Variants in CDK6 observed in about 807,000 individuals in gnomAD.
CDK6 encodes cyclin dependent kinase 6, also known as cyclin-dependent kinase 6.
In CDK6, 6 loss-of-function variants were observed where a neutral mutation model predicts 37.1. That is an observed-to-expected ratio of 0.16 (90% CI 0.09 to 0.32). The LOEUF is 0.32. Ranked by LOEUF, CDK6 falls within the 10% of genes least tolerant of loss-of-function variation. CDK6 has a pLI of 1.00. For missense variants in CDK6, 224 were observed against 418.9 expected (o/e 0.53, Z 4.06); for synonymous variants, 160 against 161.3 (o/e 0.99, Z 0.06).
chr7:92,714,487 A>G (rs1424885438), intron 4 of CDK6, among the ~76,000 whole-genome samples: 2 of 152,156 alleles, frequency 1.3e-5, no homozygotes, highest in Admixed American at 1.3e-4. Flanking sequence ...TGTGTGGGCA[A>G]TGGGGAGTCA....
intron 3 of CDK6, among the ~76,000 whole-genome samples, chr7:92,754,742 A>G (rs535781713): frequency 2.0e-5 from 3 of 152,196 alleles, no homozygotes; most frequent in African/African-American, 4.8e-5. Context: ...TTTCTCCTCT[A>G]TAACTGGTTC....
At chr7:92,795,505 C>T (rs1248105109) in intron 2 of CDK6, among the ~76,000 whole-genome samples, 1 of 152,094 alleles carries the variant, frequency 6.6e-6, no homozygotes, top group African/African-American at 2.4e-5. Context: ...ATGTGTTTCA[C>T]TCTTCCAACA....
At chr7:92,788,253 G>A (rs1488259980) in intron 2 of CDK6, among the ~76,000 whole-genome samples, 2 of 152,136 alleles carry the variant, frequency 1.3e-5, no homozygotes, top group Non-Finnish European at 2.9e-5. Context: ...ATGTTTCATG[G>A]TGTTAACGGT....
rs1439688537 is a variant in CDK6 at position 92,610,860 on chromosome 7, C to T, written c.*4280G>A. The stretch of plus-strand genomic sequence containing the variant: ...GTATTGGTGGCATAGGAAACACATG[C>T]CTTTTAAAAATTTATTTTTTCAATG... On this transcript the variant is annotated 3_prime_UTR_variant, in exon 8 of 8. Transcript: ENST00000424848. The T allele has an allele frequency of 4.4e-6, 1 of 228,090 alleles. No individual in the cohort carries two copies. The highest frequency in any genetic ancestry group is 8.7e-6 in the Non-Finnish European group (1 of 114,936). The allele number at this position is 228,090 out of a possible 1,614,324, so 14.1% of individuals were successfully genotyped here.
intron 5 of CDK6, among the ~76,000 whole-genome samples, chr7:92,625,481 A>C (rs1438227539): frequency 6.6e-6 from 1 of 151,912 alleles, no homozygotes; most frequent in Non-Finnish European, 1.5e-5. Context: ...ATTTTTCAAT[A>C]AGGATTAATT....
At chr7:92,760,610 T>C (rs1347840095) in intron 3 of CDK6, among the ~76,000 whole-genome samples, 2 of 152,154 alleles carry the variant, frequency 1.3e-5, no homozygotes, top group Non-Finnish European at 2.9e-5. Flanking sequence ...GCAAAACCAG[T>C]CAATTATTGG....
chr7:92,801,397 C>T (rs896792014), intron 2 of CDK6, among the ~76,000 whole-genome samples: 17 of 152,128 alleles, frequency 1.1e-4, no homozygotes, highest in Non-Finnish European at 2.1e-4. Flanking sequence ...TACATACATG[C>T]GTGCTCTCTC....
At chr7:92,820,459 GTACGGAACAGAA>G (rs1204227094) in intron 2 of CDK6, among the ~76,000 whole-genome samples, 1 of 152,096 alleles carries the variant, frequency 6.6e-6, no homozygotes, top group African/African-American at 2.4e-5. Context: ...CTCTGTTGCA[GTACGGAACAGAA>G]TGCAAATAAA....
At chr7:92,726,772 G>A (rs916778653) in intron 3 of CDK6, among the ~76,000 whole-genome samples, 2 of 152,108 alleles carry the variant, frequency 1.3e-5, no homozygotes, top group Non-Finnish European at 1.5e-5. Context: ...GGAAAACCTC[G>A]ATTCAAATCT....
At chr7:92,768,858 T>C (rs1053835752) in intron 3 of CDK6, among the ~76,000 whole-genome samples, 1 of 152,190 alleles carries the variant, frequency 6.6e-6, no homozygotes, top group African/African-American at 2.4e-5. Flanking sequence ...ACAAATCACC[T>C]GCTCGTAATT....
At chr7:92,695,702 G>A (rs1003607353) in intron 4 of CDK6, among the ~76,000 whole-genome samples, 2 of 152,240 alleles carry the variant, frequency 1.3e-5, no homozygotes, top group African/African-American at 4.8e-5. Flanking sequence ...AAAGCACAGA[G>A]AAGTTTTGTG....
At chr7:92,791,165 C>G (rs919927755) in intron 2 of CDK6, among the ~76,000 whole-genome samples, 2 of 151,974 alleles carry the variant, frequency 1.3e-5, no homozygotes, top group Non-Finnish European at 2.9e-5. Context: ...TGCTAAGTGT[C>G]TAAATGTGGC....
chr7:92,831,487 T>C (rs1801479638), intron 2 of CDK6, among the ~76,000 whole-genome samples: 1 of 152,214 alleles, frequency 6.6e-6, no homozygotes, highest in African/African-American at 2.4e-5. Flanking sequence ...TATTAGGTGA[T>C]TCCCCTAGGA....
intron 4 of CDK6, among the ~76,000 whole-genome samples, chr7:92,687,207 CCT>C (rs1483696072): frequency 1.3e-5 from 2 of 152,214 alleles, no homozygotes; most frequent in Non-Finnish European, 2.9e-5. Flanking sequence ...CTGCAGTACA[CCT>C]CTCTTACAGC....
At chr7:92,759,391 C>T (rs1799395137) in intron 3 of CDK6, among the ~76,000 whole-genome samples, 1 of 152,106 alleles carries the variant, frequency 6.6e-6, no homozygotes, top group Non-Finnish European at 1.5e-5. Context: ...AGCATCAGGG[C>T]TTGCTGCCTC....
intron 5 of CDK6, among the ~76,000 whole-genome samples, chr7:92,664,344 C>T (rs1796909220): frequency 6.6e-6 from 1 of 152,322 alleles, no homozygotes; most frequent in African/African-American, 2.4e-5. Context: ...TGCCTTCTGG[C>T]ACCCTGGTGT....
intron 3 of CDK6, among the ~76,000 whole-genome samples, chr7:92,736,198 A>T (rs2115607031): frequency 6.6e-6 from 1 of 152,174 alleles, no homozygotes; most frequent in South Asian, 2.1e-4. Flanking sequence ...TTTATATATG[A>T]TTATGTGTAT....
chr7:92,759,697 C>CAAAA (rs61188860), intron 3 of CDK6, among the ~76,000 whole-genome samples: 3 of 74,136 alleles, frequency 4.0e-5, no homozygotes, highest in Non-Finnish European at 5.8e-5. Context: ...GACTTTAAGG[C>CAAAA]AAAAAAAAAA....
In CDK6 at chr7:92,725,670, C is replaced by T. The variant is rs2116709606; in HGVS notation, c.493G>A (p.Gly165Ser). ...SSGQIKLADFGLARIYSFQMA... is the reference protein window; with the variant it reads ...SSGQIKLADFSLARIYSFQMA... ...TGGAAACTATAGATGCGGGCAAGGC[C>T]GAAGTCAGCGAGTTTTATTTGTCCG... The change falls in exon 4 of 8, where the codon GGC becomes AGC. Residue 165 changes from glycine to serine, a missense_variant. Physicochemically the swap from Gly to Ser is moderately conservative, Grantham distance 56 (BLOSUM62 0). Around this residue, in one of 5 missense-constraint regions of CDK6, gnomAD observed 82 missense variants for 202.1 expected, o/e 0.41. Transcript: ENST00000424848. 3 of 1,614,030 alleles carry T rather than the reference C, an allele frequency of 1.9e-6. No homozygotes were observed. The highest frequency in any genetic ancestry group is 1.7e-6 in the Non-Finnish European group (2 of 1,179,964).
Sources: gnomAD v4.1 joint callset for allele counts (sites outside exome capture counted in the v4.1 genomes callset) on GRCh38, gnomAD v4.1.1 for gene constraint, gnomAD v4.1.1 regional missense constraint, MANE v1.5 for transcripts, NCBI Gene and HGNC (gene_info 2026-07-23, HGNC 2026-07-21) for gene names.